The following TAF3 variants were observed in gnomAD, a reference collection of about 807,000 sequenced individuals.
TAF3 encodes TATA-box binding protein associated factor 3, also known as transcription initiation factor TFIID subunit 3.
TAF3 carries 7 observed loss-of-function variants against 80.6 expected under a neutral mutation model. The observed-to-expected ratio is 0.09, with a 90% confidence interval of 0.05 to 0.16. The LOEUF (loss-of-function observed/expected upper bound fraction) is 0.16, where lower values mean the gene tolerates loss of function less well. Ranked by LOEUF, TAF3 falls within the 10% of genes least tolerant of loss-of-function variation. TAF3 has a pLI of 1.00. For synonymous variants in TAF3, 444 were observed against 446.1 expected, an observed-to-expected ratio of 1.00 and a Z score of 0.06; for missense variants, 921 against 1,140.2, an observed-to-expected ratio of 0.81 and a Z score of 2.77.
At chr10:7,885,116 G>A (rs1046014328) in intron 2 of TAF3, among the ~76,000 whole-genome samples, 1 of 151,950 alleles carries the variant, frequency 6.6e-6, no homozygotes, top group African/African-American at 2.4e-5. Flanking sequence ...GCTACAGAGT[G>A]TCTGTTTGGG....
At chr10:7,901,465 A>ATGTTGTTTTT (rs1837558304) in intron 2 of TAF3, among the ~76,000 whole-genome samples, 1 of 152,222 alleles carries the variant, frequency 6.6e-6, no homozygotes, top group South Asian at 2.1e-4. Context: ...TTGCTATTTA[A>ATGTTGTTTTT]TGTTGTTTTT....
intron 2 of TAF3, chr10:7,834,034 T>G (rs1475215940): frequency 5.3e-6 from 1 of 187,428 alleles, no homozygotes; most frequent in Non-Finnish European, 1.1e-5. Flanking sequence ...CCTTATATAT[T>G]TTGCCTTTTT....
intron 2 of TAF3, among the ~76,000 whole-genome samples, chr10:7,878,920 G>T (rs940114872): frequency 1.3e-5 from 2 of 151,996 alleles, no homozygotes; most frequent in Admixed American, 6.6e-5. Flanking sequence ...TAGAGACAGG[G>T]TTTCCCTATG....
intron 4 of TAF3, among the ~76,000 whole-genome samples, chr10:7,984,734 G>A (rs113827773): frequency 0.032 from 4,874 of 152,254 alleles, 110 homozygotes; most frequent in Non-Finnish European, 0.048. Flanking sequence ...ATATAGGAAA[G>A]TACTTAAGAT....
intron 3 of TAF3, among the ~76,000 whole-genome samples, chr10:7,967,654 G>A (rs1169904754): frequency 6.6e-6 from 1 of 152,182 alleles, no homozygotes; most frequent in East Asian, 1.9e-4. Flanking sequence ...CCTGACTTTT[G>A]TAAAATGGGT....
intron 2 of TAF3, chr10:7,833,843 G>T: frequency 1.3e-6 from 1 of 758,812 alleles, no homozygotes; most frequent in Non-Finnish European, 1.8e-6. Context: ...CTCCCTTCCT[G>T]GGGACCGAGG....
chr10:7,843,093 C>G (rs1836934481), intron 2 of TAF3, among the ~76,000 whole-genome samples: 1 of 152,164 alleles, frequency 6.6e-6, no homozygotes, highest in African/African-American at 2.4e-5. Flanking sequence ...TCCCATGGAA[C>G]TGCGCAGAAG....
At chr10:7,820,809 A>G (rs1457831727) in intron 1 of TAF3, among the ~76,000 whole-genome samples, 1 of 152,214 alleles carries the variant, frequency 6.6e-6, no homozygotes, top group Non-Finnish European at 1.5e-5. Context: ...GATACATCTG[A>G]ATGTGGAACC....
intron 3 of TAF3, among the ~76,000 whole-genome samples, chr10:7,970,454 G>A (rs1254146226): frequency 2.0e-5 from 3 of 152,166 alleles, no homozygotes; most frequent in Non-Finnish European, 4.4e-5. Context: ...TGAGGGGAGG[G>A]GGCCCAGGCC....
chr10:7,973,887 T>C (rs931591562), intron 3 of TAF3, among the ~76,000 whole-genome samples: 2 of 152,040 alleles, frequency 1.3e-5, no homozygotes, highest in Admixed American at 6.6e-5. Context: ...CCCAGCACTT[T>C]GGGAGGCTGA....
rs1416929398 is a variant in TAF3, at chr10:7,842,161, T to TG, written c.409+17601_409+17602insG. Among the ~76,000 whole-genome samples the TG allele has an allele frequency of 4.1e-3, 436 of 106,548 alleles. 1 individual carries two copies. The highest frequency in any genetic ancestry group is 7.5e-3 in the Admixed American group (76 of 10,132). 69.9% of individuals were successfully genotyped at this position (106,548 alleles called of 152,430 possible). On this transcript the variant is annotated intron_variant, in intron 2 of 6. Transcript: ENST00000344293. ...TATTGAATTAATATTGTTTTTTTTT[T>TG]TTGTTTTTTTTTTTGTTTTTTTTTT...
chr10:7,869,738 C>T lies in TAF3; in HGVS notation c.409+45178C>T, dbSNP rs115546624. ...CCCAGCATGCACCCCTGCAGCAGCACGGACTGCCTCCTTCCCTGTGCCTGC... is the reference window on the plus strand; with the variant it reads ...CCCAGCATGCACCCCTGCAGCAGCATGGACTGCCTCCTTCCCTGTGCCTGC... On this transcript the variant is annotated intron_variant, in intron 2 of 6. Coordinates refer to ENST00000344293, the MANE Select transcript of TAF3 (RefSeq NM_031923.4). 4.1e-3 allele frequency among the ~76,000 whole-genome samples: 627 copies of T among 152,354 alleles called. 6 individuals carry two copies. Among genetic ancestry groups the T allele is most frequent in the African/African-American group, 0.014 (588 of 41,582 alleles).
At chr10:7,859,995 G>T (rs933226505) in intron 2 of TAF3, among the ~76,000 whole-genome samples, 2 of 152,204 alleles carry the variant, frequency 1.3e-5, no homozygotes, top group African/African-American at 4.8e-5. Context: ...GTTTGGCCAG[G>T]AGTGGTGGCT....
chr10:7,821,943 AGTAC>A (rs1836694405), intron 1 of TAF3, among the ~76,000 whole-genome samples: 2 of 152,226 alleles, frequency 1.3e-5, no homozygotes, highest in Non-Finnish European at 2.9e-5. Context: ...GCATAATAAA[AGTAC>A]CAGTAAGGTG....
chr10:7,948,960 T>C (rs1164762098), intron 2 of TAF3, among the ~76,000 whole-genome samples: 1 of 152,202 alleles, frequency 6.6e-6, no homozygotes, highest in Admixed American at 6.5e-5. Flanking sequence ...AGGAACAGCT[T>C]CCTCAGAGGG....
At chr10:7,935,892 G>A (rs1190266570) in intron 2 of TAF3, among the ~76,000 whole-genome samples, 1 of 152,130 alleles carries the variant, frequency 6.6e-6, no homozygotes, top group African/African-American at 2.4e-5. Context: ...ACCATGACGA[G>A]GGCTTCAGGT....
chr10:7,966,245 C>T (rs1831570283), intron 3 of TAF3, among the ~76,000 whole-genome samples: 1 of 152,188 alleles, frequency 6.6e-6, no homozygotes, highest in Admixed American at 6.5e-5. Context: ...TAGGATTATG[C>T]CTGTCTACAG....
chr10:7,973,276 T>G (rs184015494), intron 3 of TAF3, among the ~76,000 whole-genome samples: 1 of 152,298 alleles, frequency 6.6e-6, no homozygotes, highest in Non-Finnish European at 1.5e-5. Flanking sequence ...TAGAGCAGAA[T>G]TTTTTTAAAG....
At position 7,892,016 on chromosome 10, in the gene TAF3, CAGAT is replaced by C. The variant is rs1412930775; in HGVS notation, c.409+67461_409+67464del. Among the ~76,000 whole-genome samples, 11 of 152,264 alleles carry C rather than the reference CAGAT, an allele frequency of 7.2e-5. 1 individual carries two copies. Among genetic ancestry groups the C allele is most frequent in the Admixed American group, 2.0e-4 (3 of 15,298 alleles). ...TTAACTTATGACCAATTTTCATTAA[CAGAT>C]AGATTTTCTTCTTTTAAAAATTTAA... On this transcript the variant is annotated intron_variant, in intron 2 of 6. Transcript: ENST00000344293.
Sources: allele counts gnomAD v4.1 joint callset (sites outside exome capture counted in the v4.1 genomes callset), GRCh38; gene constraint gnomAD v4.1.1; transcripts MANE v1.5; gene names NCBI Gene and HGNC (gene_info 2026-07-23, HGNC 2026-07-21).